The following CCP110 variants were observed in gnomAD, a reference collection of about 807,000 sequenced individuals.
CCP110 encodes centriolar coiled-coil protein 110.
In CCP110, 43 loss-of-function variants were observed where a neutral mutation model predicts 105.5. The ratio of observed to expected loss-of-function variants is 0.41; its 90% CI spans 0.32 to 0.53. CCP110 has a LOEUF of 0.53. CCP110 is among the 20% of genes least tolerant of loss of function. CCP110 has a pLI of 0.32. For synonymous variants in CCP110, 353 were observed against 392.1 expected, an observed-to-expected ratio of 0.90 and a Z score of 1.18; for missense variants, 1,016 against 1,189.1, an observed-to-expected ratio of 0.85 and a Z score of 2.14.
intron 12 of CCP110, chr16:19,547,246 A>G (rs1970493260): frequency 6.6e-6 from 1 of 152,130 alleles, no homozygotes; most frequent in Admixed American, 6.6e-5. Context: ...CTCTATTAAA[A>G]ATACAAAAAT....
chr16:19,547,840 T>C (rs1483408455), intron 12 of CCP110, 115 bp from the exon 13 acceptor site: 1 of 742,446 alleles, frequency 1.3e-6, no homozygotes, highest in South Asian at 1.5e-5. Flanking sequence ...ATATAGGCCA[T>C]ATTATTGCAT....
chr16:19,549,080 C>A (rs1484204544), intron 14 of CCP110, among the ~76,000 whole-genome samples: 1 of 152,066 alleles, frequency 6.6e-6, no homozygotes. Flanking sequence ...CTAAATCTCT[C>A]CTTATGTTCA....
intron 4 of CCP110, among the ~76,000 whole-genome samples, chr16:19,539,156 T>A (rs1045608091): frequency 6.6e-6 from 1 of 151,710 alleles, no homozygotes; most frequent in South Asian, 2.1e-4. Context: ...TTAATAAAAA[T>A]TATTATTTCA....
chr16:19,545,332 G>T, intron 10 of CCP110, 122 bp downstream of exon 10: 1 of 539,964 alleles, frequency 1.9e-6, no homozygotes, highest in Non-Finnish European at 3.3e-6. Context: ...AGTAATTCCT[G>T]GAATTACTAG....
intron 4 of CCP110, among the ~76,000 whole-genome samples, chr16:19,539,089 G>A (rs1970185929): frequency 6.7e-6 from 1 of 150,182 alleles, no homozygotes; most frequent in African/African-American, 2.5e-5. Flanking sequence ...TCCAGCCTGG[G>A]TGACAGAGCC....
intron 8 of CCP110, among the ~76,000 whole-genome samples, chr16:19,543,858 C>T (rs1898678): frequency 0.028 from 4,216 of 152,264 alleles, 76 homozygotes; most frequent in Non-Finnish European, 0.041. Context: ...TCTCTGCTCT[C>T]AAACCCTGTT....
exon 4 of CCP110, chr16:19,537,028 G>A (rs950351653): frequency 6.2e-7 from 1 of 1,614,128 alleles, no homozygotes; most frequent in Non-Finnish European, 8.5e-7. Flanking sequence ...AAGAAGATGT[G>A]GTTTTAGGTA....
At chr16:19,525,668 T>C (rs1258677911) in intron 1 of CCP110, 1 of 152,294 alleles carries the variant, frequency 6.6e-6, no homozygotes, top group Non-Finnish European at 1.5e-5. Context: ...GTTTACATTA[T>C]TGTTTGAGCT....
chr16:19,541,649 G>GA (rs1970284607), intron 5 of CCP110, among the ~76,000 whole-genome samples: 1 of 128,814 alleles, frequency 7.8e-6, no homozygotes, highest in African/African-American at 3.0e-5. Flanking sequence ...GAGAGAGAGA[G>GA]GAGAGAGAGA....
intron 11 of CCP110, 28 bp downstream of exon 11, chr16:19,545,918 G>T (rs778786152): frequency 7.9e-7 from 1 of 1,259,306 alleles, no homozygotes; most frequent in Non-Finnish European, 1.2e-6. Context: ...TGTCATGTTA[G>T]TTATCAAACC....
chr16:19,534,947 C>A (rs1309719338), intron 3 of CCP110, among the ~76,000 whole-genome samples: 2 of 132,222 alleles, frequency 1.5e-5, no homozygotes, highest in Admixed American at 9.1e-5. Context: ...GTGACGTGAT[C>A]TTGGCTCACT....
chr16:19,529,885 C>T (rs937993799), intron 2 of CCP110, among the ~76,000 whole-genome samples: 5 of 152,060 alleles, frequency 3.3e-5, no homozygotes, highest in Non-Finnish European at 5.9e-5. Flanking sequence ...AGCTACTGTA[C>T]GTCTTAAAAA....
exon 12 of CCP110, chr16:19,546,460 T>C (rs1465513347): frequency 6.3e-7 from 1 of 1,586,254 alleles, no homozygotes; most frequent in Non-Finnish European, 8.7e-7. Context: ...TTAAACAAAA[T>C]CCTTCTGAAA....
intron 4 of CCP110, among the ~76,000 whole-genome samples, chr16:19,538,309 T>TC (rs1798322824): frequency 1.1e-5 from 1 of 90,540 alleles, no homozygotes; most frequent in Non-Finnish European, 2.2e-5. Flanking sequence ...GTTCTTTTTT[T>TC]TTTTTTTTTT....
In CCP110 at chr16:19,548,432, G is replaced by A. The variant is rs983342050; in HGVS notation, c.2901-83G>A. 5.9e-6 allele frequency: 5 copies of A among 847,348 alleles called. No homozygotes were observed. The highest frequency in any genetic ancestry group is 2.6e-5 in the Admixed American group (1 of 37,836). 52.5% of individuals were successfully genotyped at this position (847,348 alleles called of 1,614,324 possible). A position where few individuals can be genotyped will look rare whatever the true frequency, so the allele number is the denominator to read the frequency against. Reference sequence around the variant, plus strand: ...AAGCTTATTTGTGCTTTGGACAGTTGATGCAATGTGATTGCTTTCTTTGAA... The same window carrying A: ...AAGCTTATTTGTGCTTTGGACAGTTAATGCAATGTGATTGCTTTCTTTGAA... On this transcript the variant is annotated intron_variant, in intron 13 of 14. Transcript: ENST00000381396. This position sits in a 1 kb window ranked among gnomAD's most constrained non-coding sequence, Gnocchi z 4.1.
chr16:19,548,248 A>G lies in CCP110; in HGVS notation c.2900+234A>G. On this transcript the variant is annotated intron_variant, in intron 13 of 14. Coordinates refer to ENST00000381396, the Ensembl canonical transcript of CCP110. This position sits in a 1 kb window ranked among gnomAD's most constrained non-coding sequence, Gnocchi z 4.1. ...TTGGGATGTTTTTACTTTTCATTTC[A>G]TACCATTTTACTCATAAAGTATTTT... The G allele has an allele frequency of 1.7e-6, 1 of 579,344 alleles. No homozygotes were observed. The highest frequency in any genetic ancestry group is 3.0e-6 in the Non-Finnish European group (1 of 328,812). 35.9% of individuals were successfully genotyped at this position (579,344 alleles called of 1,614,324 possible).
rs1970523292 is a variant in CCP110, at chr16:19,548,155, T to C, written c.2900+141T>C. ...TTTCTTTATAGCATTGGGAAAGATATTTTAAAGTTTTGTCTTCAAATGTAA... is the reference window on the plus strand; with the variant it reads ...TTTCTTTATAGCATTGGGAAAGATACTTTAAAGTTTTGTCTTCAAATGTAA... On this transcript the variant is annotated intron_variant, in intron 13 of 14. Transcript: ENST00000381396. The surrounding 1 kb of genome is among the most constrained non-coding windows in gnomAD (Gnocchi z 4.1). 1.4e-6 allele frequency: 1 copy of C among 710,572 alleles called. No homozygotes were observed. The highest frequency in any genetic ancestry group is 2.5e-6 in the Non-Finnish European group (1 of 399,704). The allele number at this position is 710,572 out of a possible 1,614,324, so 44.0% of individuals were successfully genotyped here. A position where few individuals can be genotyped will look rare whatever the true frequency, so the allele number is the denominator to read the frequency against.
intron 14 of CCP110, 136 bp from the exon 14 acceptor site, chr16:19,551,060 A>G (rs996920442): frequency 1.6e-6 from 1 of 638,820 alleles, no homozygotes; most frequent in Non-Finnish European, 2.8e-6. Flanking sequence ...CTACCTCAGG[A>G]TGATTCATAT....
chr16:19,532,512 A>C (rs1157931568), exon 3 of CCP110: 1 of 1,610,244 alleles, frequency 6.2e-7, no homozygotes, highest in Non-Finnish European at 8.5e-7. Context: ...AGCTTTACTG[A>C]CTCGTGTCCA....
Sources: allele counts gnomAD v4.1 joint callset (sites outside exome capture counted in the v4.1 genomes callset), GRCh38; gene constraint gnomAD v4.1.1; non-coding constraint Gnocchi (gnomAD v3.1); transcripts MANE v1.5; gene names NCBI Gene and HGNC (gene_info 2026-07-23, HGNC 2026-07-21).